The following CFAP20DC variants were observed in gnomAD, a reference collection of about 807,000 sequenced individuals.
The protein encoded by CFAP20DC is protein CFAP20DC.
CFAP20DC carries 84 observed loss-of-function variants against 101.7 expected under a neutral mutation model. That is an observed-to-expected ratio of 0.83 (90% CI 0.69 to 0.99). CFAP20DC has a LOEUF of 0.99. CFAP20DC is among the 50% of genes least tolerant of loss of function. CFAP20DC has a pLI of 0.00. For synonymous variants in CFAP20DC, 359 were observed against 351.2 expected, an observed-to-expected ratio of 1.02 and a Z score of -0.25; for missense variants, 1,007 against 970.3, an observed-to-expected ratio of 1.04 and a Z score of -0.50.
intron 15 of CFAP20DC, among the ~76,000 whole-genome samples, chr3:58,768,320 G>A (rs1427362730): frequency 6.6e-6 from 1 of 152,184 alleles, no homozygotes; most frequent in Non-Finnish European, 1.5e-5. Flanking sequence ...AGAGAATGAG[G>A]AAGTTTAAAA....
At chr3:58,717,222 A>G (rs531080474), downstream of CFAP20DC, 2 of 164,050 alleles carry the variant, frequency 1.2e-5, no homozygotes, top group South Asian at 3.2e-4. The surrounding 1 kb of genome is among the most constrained non-coding windows in gnomAD (Gnocchi z 4.1). Context: ...TGGAGGGTTG[A>G]TATATTCCTG....
At chr3:58,765,312 A>G (rs532243984) in intron 15 of CFAP20DC, among the ~76,000 whole-genome samples, 3 of 152,186 alleles carry the variant, frequency 2.0e-5, no homozygotes, top group African/African-American at 7.2e-5. Context: ...ACATATACAC[A>G]TAACATTATA....
chr3:58,824,787 G>T (rs1283798140), intron 14 of CFAP20DC, among the ~76,000 whole-genome samples: 1 of 150,942 alleles, frequency 6.6e-6, no homozygotes, highest in South Asian at 2.1e-4. Flanking sequence ...TTTCTTTTTT[G>T]TAAGCTAAAG....
intron 12 of CFAP20DC, among the ~76,000 whole-genome samples, chr3:58,857,638 C>G (rs1232978472): frequency 6.6e-6 from 1 of 152,082 alleles, no homozygotes; most frequent in Non-Finnish European, 1.5e-5. Context: ...GCCTTGGCTG[C>G]CCTAGAACTG....
intron 5 of CFAP20DC, among the ~76,000 whole-genome samples, chr3:58,925,474 C>A (rs1264708256): frequency 1.3e-5 from 2 of 152,218 alleles, no homozygotes; most frequent in Non-Finnish European, 2.9e-5. Flanking sequence ...GGGTTCATAT[C>A]ATCTGGCACA....
At position 58,882,916 on chromosome 3, in the gene CFAP20DC, G is replaced by T. The variant is rs1486345774; in HGVS notation, c.715+1629C>A. On this transcript the variant is annotated intron_variant, in intron 7 of 16. Coordinates refer to ENST00000482387, the MANE Select transcript of CFAP20DC (RefSeq NM_001394063.1). The surrounding 1 kb of genome is among the most constrained non-coding windows in gnomAD (Gnocchi z 4.2). The stretch of plus-strand genomic sequence containing the variant: ...ATAATAAAGGACTAAATAATGTACT[G>T]CTTATTTATACATAGTCATCTGCAG... 6.6e-6 allele frequency among the ~76,000 whole-genome samples: 1 copy of T among 152,116 alleles called. No homozygotes were observed. Among genetic ancestry groups the T allele is most frequent in the East Asian group, 1.9e-4 (1 of 5,196 alleles).
At chr3:58,807,345 G>A (rs1240940587) in intron 14 of CFAP20DC, among the ~76,000 whole-genome samples, 4 of 152,132 alleles carry the variant, frequency 2.6e-5, no homozygotes, top group Non-Finnish European at 5.9e-5. Flanking sequence ...ACTTCACACG[G>A]GCGGGTACTC....
chr3:59,027,504 A>G (rs1471323907), intron 4 of CFAP20DC, among the ~76,000 whole-genome samples: 1 of 152,216 alleles, frequency 6.6e-6, no homozygotes, highest in Non-Finnish European at 1.5e-5. Flanking sequence ...CTGCATGAAA[A>G]TGAGAAAAAT....
At chr3:58,870,757 G>A (rs1364517549) in intron 7 of CFAP20DC, among the ~76,000 whole-genome samples, 1 of 147,864 alleles carries the variant, frequency 6.8e-6, no homozygotes, top group South Asian at 2.1e-4. Context: ...GCGCGGTGGC[G>A]GGCGCCTGTA....
chr3:58,955,266 C>T (rs1053140708), intron 4 of CFAP20DC, among the ~76,000 whole-genome samples: 2 of 152,138 alleles, frequency 1.3e-5, no homozygotes, highest in Non-Finnish European at 2.9e-5. Flanking sequence ...TAGGTGAGCA[C>T]TCACAGTACC....
chr3:58,875,893 AT>A (rs1400315524), intron 7 of CFAP20DC, among the ~76,000 whole-genome samples: 1 of 152,168 alleles, frequency 6.6e-6, no homozygotes, highest in African/African-American at 2.4e-5. Flanking sequence ...AATACTTCAA[AT>A]TTCTTAGAGG....
At chr3:59,008,841 C>T (rs1238572175) in intron 4 of CFAP20DC, among the ~76,000 whole-genome samples, 1 of 151,490 alleles carries the variant, frequency 6.6e-6, no homozygotes, top group Non-Finnish European at 1.5e-5. Context: ...GCACATGTAC[C>T]CTAAAACTTA....
intron 4 of CFAP20DC, among the ~76,000 whole-genome samples, chr3:59,028,865 T>TG (rs2093938276): frequency 6.6e-6 from 1 of 152,198 alleles, no homozygotes. Context: ...TTAATGCTTA[T>TG]GACAGACCTG....
At chr3:59,026,748 C>T (rs1292132207) in intron 4 of CFAP20DC, among the ~76,000 whole-genome samples, 1 of 152,088 alleles carries the variant, frequency 6.6e-6, no homozygotes, top group Non-Finnish European at 1.5e-5. Context: ...AAGGTAGGAG[C>T]AAAATTCAAT....
Position 58,722,710 on chromosome 3 carries a change from A to T in CFAP20DC, c.198-5082T>A, listed in dbSNP as rs1446556238. ...GATTTTCTGCCCGAGTCCTTATTTA[A>T]TTGTTATTTTGGGATCAGTTGCTTT... On this transcript the variant is annotated intron_variant, in intron 3 of 3. Transcript: ENST00000486145. The surrounding 1 kb of genome is among the most constrained non-coding windows in gnomAD (Gnocchi z 4.5). Among the ~76,000 whole-genome samples the T allele has an allele frequency of 6.6e-6, 1 of 151,886 alleles. No homozygotes were observed. Among genetic ancestry groups the T allele is most frequent in the East Asian group, 1.9e-4 (1 of 5,198 alleles).
chr3:58,816,663 C>T (rs2107846701), intron 14 of CFAP20DC, among the ~76,000 whole-genome samples: 1 of 152,288 alleles, frequency 6.6e-6, no homozygotes, highest in Non-Finnish European at 1.5e-5. Flanking sequence ...TTGCTGATTG[C>T]TAGCACAGCA....
At chr3:58,800,909 T>G (rs749176711) in intron 15 of CFAP20DC, among the ~76,000 whole-genome samples, 6 of 152,018 alleles carry the variant, frequency 3.9e-5, no homozygotes, top group Non-Finnish European at 5.9e-5. Context: ...GGATGAAGAT[T>G]TTCATTTTCC....
chr3:58,724,632 G>A lies in CFAP20DC; in HGVS notation c.198-7004C>T, dbSNP rs556033986. On this transcript the variant is annotated intron_variant, in intron 3 of 3. Transcript: ENST00000486145. The surrounding 1 kb of genome is among the most constrained non-coding windows in gnomAD (Gnocchi z 5.6). Reference sequence around the variant, plus strand: ...CGCACTGCCACCCTTTCACTGTTTCGCCCGGAACATCTGCTTCTTAGATCT... The same window carrying A: ...CGCACTGCCACCCTTTCACTGTTTCACCCGGAACATCTGCTTCTTAGATCT... Among the ~76,000 whole-genome samples, 3 of 152,206 alleles carry A rather than the reference G, an allele frequency of 2.0e-5. No homozygotes were observed. The highest frequency in any genetic ancestry group is 2.1e-4 in the South Asian group (1 of 4,816).
chr3:58,874,985 T>C lies in CFAP20DC; in HGVS notation c.716-4676A>G, dbSNP rs2080618089. 6.6e-6 allele frequency among the ~76,000 whole-genome samples: 1 copy of C among 152,204 alleles called. No homozygotes were observed. Among genetic ancestry groups the C allele is most frequent in the African/African-American group, 2.4e-5 (1 of 41,460 alleles). On this transcript the variant is annotated intron_variant, in intron 7 of 16. Coordinates refer to ENST00000482387, the MANE Select transcript of CFAP20DC (RefSeq NM_001394063.1). The surrounding 1 kb of genome is among the most constrained non-coding windows in gnomAD (Gnocchi z 5.1). Reference sequence around the variant, plus strand: ...TAAATGACTCAAAAATGTCTAACTATGGTTTGAAGTTCATTTTAAGAGAAA... The same window carrying C: ...TAAATGACTCAAAAATGTCTAACTACGGTTTGAAGTTCATTTTAAGAGAAA...
Sources: gnomAD v4.1 joint callset for allele counts (sites outside exome capture counted in the v4.1 genomes callset) on GRCh38, gnomAD v4.1.1 for gene constraint, Gnocchi (gnomAD v3.1) non-coding constraint, MANE v1.5 for transcripts, NCBI Gene and HGNC (gene_info 2026-07-23, HGNC 2026-07-21) for gene names.